The following RAB20 variants were observed in gnomAD, a reference collection of about 807,000 sequenced individuals.
RAB20 encodes the protein RAB20, member RAS oncogene family, also known as ras-related protein Rab-20.
A neutral mutation model predicts 3.7 loss-of-function variants in RAB20; 2 were observed. That is an observed-to-expected ratio of 0.54 (90% CI 0.22 to 1.69). The LOEUF (loss-of-function observed/expected upper bound fraction) is 1.69. Among genes scored for constraint, RAB20 ranks in the 40% most tolerant of loss-of-function variants. The pLI, the probability that RAB20 is intolerant of heterozygous loss-of-function variation, is 0.19. For synonymous variants in RAB20, 126 were observed against 130.8 expected (o/e 0.96, Z 0.25); for missense variants, 276 against 311.9 (o/e 0.88, Z 0.87).
At chr13:110,547,442 G>A (rs1884873062) in intron 1 of RAB20, among the ~76,000 whole-genome samples, 1 of 152,234 alleles carries the variant, frequency 6.6e-6, no homozygotes, top group Non-Finnish European at 1.5e-5. Flanking sequence ...GGGTGCAGCA[G>A]GACTTTTCTA....
At chr13:110,539,891 T>C (rs1355704429) in intron 1 of RAB20, among the ~76,000 whole-genome samples, 1 of 152,210 alleles carries the variant, frequency 6.6e-6, no homozygotes, top group Admixed American at 6.5e-5. Flanking sequence ...AATCTGCATG[T>C]GTCATTTCTG....
chr13:110,530,124 A>AG (rs1884506478), intron 1 of RAB20, among the ~76,000 whole-genome samples: 1 of 95,400 alleles, frequency 1.0e-5, no homozygotes, highest in Admixed American at 9.8e-5. Context: ...AGGTCCCACC[A>AG]CCCCACCTCT....
chr13:110,555,473 TAA>T lies in RAB20; in HGVS notation c.172+5873_172+5874del, dbSNP rs1478130887. 6.6e-6 allele frequency among the ~76,000 whole-genome samples: 1 copy of T among 152,130 alleles called. No individual in the cohort carries two copies. Among genetic ancestry groups the T allele is most frequent in the Non-Finnish European group, 1.5e-5 (1 of 68,034 alleles). On this transcript the variant is annotated intron_variant, in intron 1 of 1. Transcript: ENST00000267328. The surrounding 1 kb of genome is among the most constrained non-coding windows in gnomAD (Gnocchi z 4.0). ...AGGTGGCTCAGCCATCAGCATCCTCTAAAGAGGCCAGAGGCTGGGCCCATCTC... is the reference window on the plus strand; with the variant it reads ...AGGTGGCTCAGCCATCAGCATCCTCTAGAGGCCAGAGGCTGGGCCCATCTC...
chr13:110,554,092 A>G (rs1401538384), intron 1 of RAB20, among the ~76,000 whole-genome samples: 1 of 152,168 alleles, frequency 6.6e-6, no homozygotes, highest in Non-Finnish European at 1.5e-5. Context: ...TCCAGCCTGG[A>G]CAACAGACCA....
chr13:110,547,665 TG>T (rs1437730040), intron 1 of RAB20, among the ~76,000 whole-genome samples: 4 of 152,148 alleles, frequency 2.6e-5, no homozygotes, highest in Non-Finnish European at 5.9e-5. Context: ...CCACCACTCC[TG>T]GAAAATAACC....
chr13:110,527,079 C>A (rs964018613), intron 1 of RAB20, among the ~76,000 whole-genome samples: 1 of 152,158 alleles, frequency 6.6e-6, no homozygotes, highest in African/African-American at 2.4e-5. Context: ...CTAAGGCAGA[C>A]TGTCCTTTGC....
chr13:110,540,188 C>T (rs768357859), intron 1 of RAB20, among the ~76,000 whole-genome samples: 10 of 152,214 alleles, frequency 6.6e-5, no homozygotes, highest in Non-Finnish European at 1.0e-4. Flanking sequence ...AAAAAATACA[C>T]GTATATAACA....
At position 110,550,385 on chromosome 13, in the gene RAB20, C is replaced by T. The variant is rs991585614; in HGVS notation, c.172+10963G>A. 2.0e-5 allele frequency among the ~76,000 whole-genome samples: 3 copies of T among 152,148 alleles called. No individual in the cohort carries two copies. The East Asian group carries it at 5.8e-4, about 29-fold the overall frequency. ...AATTAATTGAACCCAAAGAGGGGGT[C>T]GTGGGAACCCCCACCTGAAGCCGGT... On this transcript the variant is annotated intron_variant, in intron 1 of 1. Coordinates refer to ENST00000267328, the MANE Select transcript of RAB20 (RefSeq NM_017817.3).
intron 1 of RAB20, among the ~76,000 whole-genome samples, chr13:110,538,101 T>C (rs1381838149): frequency 1.3e-5 from 2 of 151,250 alleles, no homozygotes; most frequent in Non-Finnish European, 1.5e-5. Context: ...TCAGTGGGCA[T>C]GGTGGTGTTC....
intron 1 of RAB20, among the ~76,000 whole-genome samples, chr13:110,534,974 C>G (rs2139578142): frequency 6.6e-6 from 1 of 151,512 alleles, no homozygotes; most frequent in Middle Eastern, 3.4e-3. Context: ...GGTGGGACTA[C>G]AGGTGTGTAC....
At chr13:110,525,081 C>G (rs1884404132) in intron 1 of RAB20, among the ~76,000 whole-genome samples, 1 of 152,218 alleles carries the variant, frequency 6.6e-6, no homozygotes, top group South Asian at 2.1e-4. Context: ...ACAGGGCCAG[C>G]TGGCATGCAC....
At chr13:110,550,774 A>G (rs1884939417) in intron 1 of RAB20, among the ~76,000 whole-genome samples, 1 of 152,226 alleles carries the variant, frequency 6.6e-6, no homozygotes, top group African/African-American at 2.4e-5. Flanking sequence ...GGCTGTAATT[A>G]GAGGGAAGAG....
At chr13:110,557,075 T>C (rs1018516446) in intron 1 of RAB20, among the ~76,000 whole-genome samples, 3 of 152,090 alleles carry the variant, frequency 2.0e-5, no homozygotes, top group South Asian at 2.1e-4. Flanking sequence ...GCGAGAAGCA[T>C]AGCAGAGAAA....
At chr13:110,532,979 C>A (rs578005208) in intron 1 of RAB20, among the ~76,000 whole-genome samples, 3 of 152,196 alleles carry the variant, frequency 2.0e-5, no homozygotes, top group Admixed American at 2.0e-4. Context: ...CTGTGCCCAG[C>A]GGAGAACAGA....
Position 110,555,648 on chromosome 13 carries a change from C to T in RAB20, c.172+5700G>A, listed in dbSNP as rs774074785. ...GCTTGGGCAGAGGACGCCACGGAAG[C>T]GCAAACGTGAATCAGCCTGTGCCTT... On this transcript the variant is annotated intron_variant, in intron 1 of 1. Transcript: ENST00000267328. This position sits in a 1 kb window ranked among gnomAD's most constrained non-coding sequence, Gnocchi z 4.0. Among the ~76,000 whole-genome samples, 17 of 152,342 alleles carry T rather than the reference C, an allele frequency of 1.1e-4. No homozygotes were observed. Among genetic ancestry groups the T allele is most frequent in the South Asian group, 2.1e-4 (1 of 4,832 alleles).
chr13:110,533,290 T>C (rs543816442), intron 1 of RAB20, among the ~76,000 whole-genome samples: 39 of 152,190 alleles, frequency 2.6e-4, no homozygotes, highest in Non-Finnish European at 4.9e-4. Flanking sequence ...GTTGATGAGT[T>C]TTGGCTAAAG....
At chr13:110,556,822 A>T (rs889678653) in intron 1 of RAB20, among the ~76,000 whole-genome samples, 40 of 152,366 alleles carry the variant, frequency 2.6e-4, no homozygotes, top group African/African-American at 9.4e-4. Flanking sequence ...AGGAGCTACC[A>T]TGCCCAGCAA....
At chr13:110,535,742 A>G (rs1884628162) in intron 1 of RAB20, among the ~76,000 whole-genome samples, 2 of 152,182 alleles carry the variant, frequency 1.3e-5, no homozygotes, top group Admixed American at 6.5e-5. Flanking sequence ...AGCGCCTCTG[A>G]GCGCCCACTG....
rs1007432589 is a variant in RAB20, at chr13:110,555,677, C to T, written c.172+5671G>A. Among the ~76,000 whole-genome samples the T allele has an allele frequency of 5.9e-5, 9 of 152,350 alleles. No homozygotes were observed. The East Asian group carries it at 1.3e-3, about 23-fold the overall frequency. On this transcript the variant is annotated intron_variant, in intron 1 of 1. Transcript: ENST00000267328. The surrounding 1 kb of genome is among the most constrained non-coding windows in gnomAD (Gnocchi z 4.0). ...AACGTGAATCAGCCTGTGCCTTCTG[C>T]GGGTGAAACCAGTCATCAGCCGGCC... is the stretch of plus-strand genomic sequence containing the variant.
Sources: allele counts gnomAD v4.1 joint callset (sites outside exome capture counted in the v4.1 genomes callset), GRCh38; gene constraint gnomAD v4.1.1; non-coding constraint Gnocchi (gnomAD v3.1); transcripts MANE v1.5; gene names NCBI Gene and HGNC (gene_info 2026-07-23, HGNC 2026-07-21).